The following UTRN variants were observed in gnomAD, a reference collection of about 807,000 sequenced individuals.
UTRN encodes the protein dystrophin-related protein 1.
A neutral mutation model predicts 463.9 loss-of-function variants in UTRN; 283 were observed. The ratio of observed to expected loss-of-function variants is 0.61; its 90% CI spans 0.55 to 0.67. The LOEUF (loss-of-function observed/expected upper bound fraction) is 0.67, where lower values mean the gene tolerates loss of function less well. Ranked by LOEUF, UTRN falls within the 30% of genes least tolerant of loss-of-function variation. The pLI is 0.00. For missense variants in UTRN, 3,922 were observed against 4,084.3 expected (o/e 0.96, Z 1.08); for synonymous variants, 1,442 against 1,431.5 (o/e 1.01, Z -0.17).
At chr6:144,719,246 G>A (rs1562812589) in intron 53 of UTRN, among the ~76,000 whole-genome samples, 1 of 152,050 alleles carries the variant, frequency 6.6e-6, no homozygotes, top group Non-Finnish European at 1.5e-5. Context: ...AAGATATACT[G>A]AGTGCTAGAA....
chr6:144,804,898 C>G (rs577420923), intron 65 of UTRN, among the ~76,000 whole-genome samples: 71 of 152,210 alleles, frequency 4.7e-4, no homozygotes, highest in African/African-American at 1.5e-3. Flanking sequence ...CAGGTGTTGG[C>G]TAGAGTGAAC....
At chr6:144,395,527 A>G (rs1029167733) in intron 2 of UTRN, among the ~76,000 whole-genome samples, 26 of 152,148 alleles carry the variant, frequency 1.7e-4, no homozygotes, top group Non-Finnish European at 1.2e-4. Flanking sequence ...CAAGTAGAAA[A>G]ACATTATCTC....
chr6:144,709,934 T>C (rs1353508874), intron 53 of UTRN, among the ~76,000 whole-genome samples: 2 of 152,218 alleles, frequency 1.3e-5, no homozygotes, highest in Non-Finnish European at 1.5e-5. Context: ...ATAATAGTGG[T>C]GCCAATCATT....
intron 51 of UTRN, among the ~76,000 whole-genome samples, chr6:144,659,229 T>G (rs1779618449): frequency 6.6e-6 from 1 of 152,224 alleles, no homozygotes; most frequent in South Asian, 2.1e-4. Context: ...GATAGAGAAC[T>G]GACTTTTGGG....
intron 51 of UTRN, among the ~76,000 whole-genome samples, chr6:144,604,711 C>G (rs1017954106): frequency 6.6e-6 from 1 of 151,872 alleles, no homozygotes; most frequent in East Asian, 1.9e-4. Context: ...GTCAGGAGTT[C>G]GAGACCAGCC....
At chr6:144,357,552 T>C (rs977769507) in intron 2 of UTRN, among the ~76,000 whole-genome samples, 3 of 152,240 alleles carry the variant, frequency 2.0e-5, no homozygotes, top group African/African-American at 7.2e-5. Flanking sequence ...GATTCTATGG[T>C]ATCCATTTTC....
intron 2 of UTRN, among the ~76,000 whole-genome samples, chr6:144,337,196 A>C (rs1407931056): frequency 2.6e-5 from 3 of 113,406 alleles, no homozygotes; most frequent in Admixed American, 8.0e-5. Context: ...CACACACACC[A>C]CACACACACA....
At chr6:144,597,252 A>AAAAAAAG (rs1217848261) in intron 51 of UTRN, among the ~76,000 whole-genome samples, 1 of 151,582 alleles carries the variant, frequency 6.6e-6, no homozygotes, top group South Asian at 2.1e-4. Flanking sequence ...AAAAAAAAAA[A>AAAAAAAG]GTGCCTTAAC....
intron 51 of UTRN, among the ~76,000 whole-genome samples, chr6:144,623,743 T>G (rs975838449): frequency 3.9e-5 from 6 of 152,202 alleles, no homozygotes; most frequent in African/African-American, 1.2e-4. Context: ...CTTAAAAAAT[T>G]ATTCACGGGA....
chr6:144,721,931 G>A (rs754409172), intron 53 of UTRN, among the ~76,000 whole-genome samples: 14 of 152,142 alleles, frequency 9.2e-5, no homozygotes, highest in Admixed American at 1.3e-4. Flanking sequence ...TCAGATTTTG[G>A]AGCATTTCAG....
In UTRN at chr6:144,587,171, G is replaced by A. The variant is rs542222678; in HGVS notation, c.7479+9883G>A. 3.0e-3 allele frequency among the ~76,000 whole-genome samples: 454 copies of A among 152,286 alleles called. 2 individuals carry two copies. Among genetic ancestry groups the A allele is most frequent in the Non-Finnish European group, 5.4e-3 (364 of 68,022 alleles). On this transcript the variant is annotated intron_variant, in intron 51 of 74. Transcript: ENST00000367545. ...TGGTGACTAGTCATTTACATACAGA[G>A]TGAAACTATGGCTATTCTTAGCCTG...
intron 51 of UTRN, among the ~76,000 whole-genome samples, chr6:144,601,192 A>T (rs144892545): frequency 6.6e-6 from 1 of 152,164 alleles, no homozygotes; most frequent in East Asian, 1.9e-4. Flanking sequence ...TCTTCAGCCC[A>T]TGGATCGAGA....
At chr6:144,313,197 C>A (rs12660531) in intron 2 of UTRN, among the ~76,000 whole-genome samples, 3 of 151,894 alleles carry the variant, frequency 2.0e-5, no homozygotes, top group Admixed American at 2.0e-4. Flanking sequence ...TTTTTTAAAA[C>A]GTGCATGGCC....
chr6:144,814,088 T>C (rs1436628937), intron 65 of UTRN, among the ~76,000 whole-genome samples: 1 of 152,178 alleles, frequency 6.6e-6, no homozygotes, highest in Non-Finnish European at 1.5e-5. Context: ...AATGGAATGT[T>C]TATGTCCCCC....
intron 41 of UTRN, among the ~76,000 whole-genome samples, chr6:144,528,118 C>A (rs1796726656): frequency 1.3e-5 from 2 of 148,946 alleles, no homozygotes; most frequent in African/African-American, 5.0e-5. Context: ...CCCACTGCAA[C>A]CTCCGCCTCC....
intron 41 of UTRN, among the ~76,000 whole-genome samples, chr6:144,528,122 C>T (rs535649170): frequency 8.7e-5 from 13 of 150,120 alleles, no homozygotes; most frequent in African/African-American, 2.7e-4. Context: ...CTGCAACCTC[C>T]GCCTCCCAGG....
chr6:144,518,584 C>T (rs953196358), intron 39 of UTRN, among the ~76,000 whole-genome samples: 1 of 152,138 alleles, frequency 6.6e-6, no homozygotes, highest in African/African-American at 2.4e-5. Context: ...TTATTTCTAA[C>T]TTCTGTCAGA....
chr6:144,683,900 A>T (rs942263522), intron 52 of UTRN, among the ~76,000 whole-genome samples: 1 of 152,182 alleles, frequency 6.6e-6, no homozygotes, highest in African/African-American at 2.4e-5. Flanking sequence ...ATTGTGACTC[A>T]TTAAGCATTG....
intron 2 of UTRN, among the ~76,000 whole-genome samples, chr6:144,328,563 AATTT>A (rs928546761): frequency 7.2e-6 from 1 of 139,286 alleles, no homozygotes; most frequent in African/African-American, 2.5e-5. Flanking sequence ...ATAGTATCTT[AATTT>A]ATTAATTTTG....
Sources: allele counts gnomAD v4.1 joint callset (sites outside exome capture counted in the v4.1 genomes callset), GRCh38; gene constraint gnomAD v4.1.1; transcripts MANE v1.5; gene names NCBI Gene and HGNC (gene_info 2026-07-23, HGNC 2026-07-21).